Variants in CD2AP observed in about 807,000 individuals in gnomAD.
CD2AP encodes the protein CD2 associated protein.
In CD2AP, 46 loss-of-function variants were observed where a neutral mutation model predicts 85.1. The observed-to-expected ratio is 0.54, with a 90% confidence interval of 0.43 to 0.69. CD2AP has a LOEUF of 0.69. Ranked by LOEUF, CD2AP falls within the 30% of genes least tolerant of loss-of-function variation. The pLI is 0.00. For missense variants in CD2AP, 769 were observed against 729.5 expected (o/e 1.05, Z -0.62); for synonymous variants, 255 against 252.9 (o/e 1.01, Z -0.08).
intron 4 of CD2AP, among the ~76,000 whole-genome samples, chr6:47,552,125 C>A (rs1767543893): frequency 6.6e-6 from 1 of 151,560 alleles, no homozygotes; most frequent in African/African-American, 2.4e-5. Flanking sequence ...TCAGTCCTTG[C>A]AGTCTGTTTT....
intron 16 of CD2AP, among the ~76,000 whole-genome samples, chr6:47,612,020 A>G (rs1340072145): frequency 6.6e-6 from 1 of 152,026 alleles, no homozygotes; most frequent in African/African-American, 2.4e-5. Context: ...TGGTTTTTGG[A>G]TTTTAATGTG....
chr6:47,581,159 A>G (rs540113238), intron 10 of CD2AP, among the ~76,000 whole-genome samples: 1 of 152,322 alleles, frequency 6.6e-6, no homozygotes, highest in South Asian at 2.1e-4. Flanking sequence ...TCAAATTTAA[A>G]CTGTTTTAGA....
intron 2 of CD2AP, among the ~76,000 whole-genome samples, chr6:47,529,183 G>GACCC (rs1766805294): frequency 1.7e-5 from 1 of 60,142 alleles, no homozygotes; most frequent in Non-Finnish European, 2.7e-5. Context: ...CTCTAGTACT[G>GACCC]CCCCCCCCCC....
At chr6:47,561,745 T>C (rs1767866888) in intron 5 of CD2AP, among the ~76,000 whole-genome samples, 1 of 152,172 alleles carries the variant, frequency 6.6e-6, no homozygotes, top group African/African-American at 2.4e-5. Flanking sequence ...TAGAAATGTG[T>C]GAAATGAGTA....
intron 4 of CD2AP, among the ~76,000 whole-genome samples, chr6:47,553,452 T>G (rs187360772): frequency 2.0e-5 from 3 of 151,456 alleles, no homozygotes; most frequent in Non-Finnish European, 2.9e-5. Context: ...GTTCAACTGA[T>G]TCTCCTGCCT....
intron 13 of CD2AP, among the ~76,000 whole-genome samples, chr6:47,603,351 C>T (rs894667528): frequency 2.0e-5 from 3 of 151,844 alleles, no homozygotes; most frequent in East Asian, 1.9e-4. Flanking sequence ...TGCTTTTCAT[C>T]GTTGTAATTT....
intron 3 of CD2AP, among the ~76,000 whole-genome samples, chr6:47,544,194 A>G (rs1443051414): frequency 2.6e-5 from 4 of 152,242 alleles, no homozygotes; most frequent in East Asian, 3.8e-4. Flanking sequence ...GCTTCTTTCT[A>G]TAGTCGTAAA....
chr6:47,589,658 G>A (rs979186212), intron 11 of CD2AP, among the ~76,000 whole-genome samples: 1 of 151,150 alleles, frequency 6.6e-6, no homozygotes, highest in African/African-American at 2.4e-5. Flanking sequence ...GAGGGGAAGA[G>A]GAGAGCCCAG....
At chr6:47,563,346 A>G (rs545964609) in intron 5 of CD2AP, among the ~76,000 whole-genome samples, 3 of 152,360 alleles carry the variant, frequency 2.0e-5, no homozygotes, top group South Asian at 2.1e-4. Flanking sequence ...TTTGTTTGCC[A>G]CTACATTTTG....
intron 17 of CD2AP, among the ~76,000 whole-genome samples, chr6:47,616,081 C>CTT (rs1769576303): frequency 3.5e-5 from 2 of 57,882 alleles, no homozygotes; most frequent in Non-Finnish European, 3.1e-5. Context: ...CTGCGCCTGG[C>CTT]CTTTTTTTTT....
chr6:47,566,553 A>G (rs1768009042), intron 5 of CD2AP, among the ~76,000 whole-genome samples: 1 of 151,916 alleles, frequency 6.6e-6, no homozygotes, highest in African/African-American at 2.4e-5. Context: ...TTTGTTACAT[A>G]GGTATAAGTG....
At chr6:47,568,054 A>G (rs1768050848) in intron 5 of CD2AP, among the ~76,000 whole-genome samples, 1 of 152,186 alleles carries the variant, frequency 6.6e-6, no homozygotes, top group Admixed American at 6.5e-5. Flanking sequence ...TATAAGTGAT[A>G]GCACAAAGAA....
At chr6:47,572,600 C>T (rs918840684) in intron 5 of CD2AP, among the ~76,000 whole-genome samples, 9 of 152,100 alleles carry the variant, frequency 5.9e-5, no homozygotes, top group East Asian at 1.9e-4. Context: ...AAGATTCTCA[C>T]GTTTGATTGG....
chr6:47,504,069 C>T (rs114385756), intron 2 of CD2AP, among the ~76,000 whole-genome samples: 3,745 of 152,284 alleles, frequency 0.025, 74 homozygotes, highest in Non-Finnish European at 0.036. Flanking sequence ...GTATTCTAGT[C>T]GCTTCTGCCA....
At chr6:47,621,166 T>C (rs1045047196) in intron 17 of CD2AP, among the ~76,000 whole-genome samples, 3 of 152,224 alleles carry the variant, frequency 2.0e-5, no homozygotes, top group African/African-American at 7.2e-5. Context: ...TTCTGTATTA[T>C]GTTGGCTGTG....
chr6:47,549,360 G>A (rs370000370), intron 4 of CD2AP, among the ~76,000 whole-genome samples: 4 of 151,232 alleles, frequency 2.6e-5, no homozygotes, highest in East Asian at 3.9e-4. Flanking sequence ...CAAAGTTTCC[G>A]GGTACACAAT....
At chr6:47,572,573 AT>A (rs1405940827) in intron 5 of CD2AP, among the ~76,000 whole-genome samples, 1 of 152,186 alleles carries the variant, frequency 6.6e-6, no homozygotes, top group Non-Finnish European at 1.5e-5. Context: ...TAAAATGGTC[AT>A]TTCGATAGAT....
rs1481753429 is a variant in CD2AP at position 47,482,139 on chromosome 6, T to TTA, written c.4+3892_4+3893dup. On this transcript the variant is annotated intron_variant, in intron 1 of 17. Coordinates refer to ENST00000359314, the MANE Select transcript of CD2AP (RefSeq NM_012120.3). ...ATGGTTCACCTTTCTGTATCAGGAT[T>TTA]TACTTCAATTAAACTACAGAGCATG... 2.6e-5 allele frequency among the ~76,000 whole-genome samples: 4 copies of TTA among 152,206 alleles called. No homozygotes were observed. In the East Asian group the frequency reaches 7.7e-4, roughly 29 times the overall value.
chr6:47,494,774 C>T (rs1765815914), intron 1 of CD2AP, among the ~76,000 whole-genome samples: 1 of 152,182 alleles, frequency 6.6e-6, no homozygotes. Flanking sequence ...ATCAAAATTA[C>T]CATTTAAGTG....
Sources: allele counts gnomAD v4.1 joint callset (sites outside exome capture counted in the v4.1 genomes callset), GRCh38; gene constraint gnomAD v4.1.1; transcripts MANE v1.5; gene names NCBI Gene and HGNC (gene_info 2026-07-23, HGNC 2026-07-21).